The following ZNHIT6 variants were observed in gnomAD, a reference collection of about 807,000 sequenced individuals.
ZNHIT6 encodes box C/D snoRNA protein 1.
Under a neutral mutation model 57.2 loss-of-function variants are expected in ZNHIT6, and 45 were observed. The observed-to-expected ratio is 0.79, with a 90% CI of 0.62 to 1.01. The LOEUF (loss-of-function observed/expected upper bound fraction) is 1.01, where lower values mean the gene tolerates loss of function less well. ZNHIT6 is among the 50% of genes least tolerant of loss of function. The pLI is 0.00. For synonymous variants in ZNHIT6, 188 were observed against 190.0 expected, an observed-to-expected ratio of 0.99 and a Z score of 0.09; for missense variants, 528 against 567.3, an observed-to-expected ratio of 0.93 and a Z score of 0.70.
intron 8 of ZNHIT6, among the ~76,000 whole-genome samples, chr1:85,665,494 C>A (rs1367196296): frequency 2.0e-5 from 3 of 152,036 alleles, no homozygotes; most frequent in Non-Finnish European, 2.9e-5. Flanking sequence ...TTAACATATC[C>A]ATCACCTTAC....
chr1:85,657,749 A>G (rs1326097951), intron 9 of ZNHIT6, 98 bp downstream of exon 9: 2 of 1,206,408 alleles, frequency 1.7e-6, no homozygotes. Context: ...GTGTGTAAAT[A>G]TAGTGGGAAA....
chr1:85,695,020 T>G (rs982064219), intron 5 of ZNHIT6, among the ~76,000 whole-genome samples: 5 of 152,014 alleles, frequency 3.3e-5, no homozygotes, highest in Non-Finnish European at 2.9e-5. Context: ...TCCCAGCACT[T>G]TGGGAGGCTG....
At position 85,707,874 on chromosome 1, in the gene ZNHIT6, T is replaced by G; in HGVS notation, c.411A>C (p.Val137=). 1 of 1,614,134 alleles carries G rather than the reference T, an allele frequency of 6.2e-7. No homozygotes were observed. ...CCTCTTCCTTTACCTTCTCTTCCTT[T>G]ACCTCTGGTTCACCCACCTTCGCTT... ...VKEAKVGEPE[V]KEEKVKEEVM... Residue 137 remains valine, a synonymous_variant, in exon 1 of 10, where the codon GTA becomes GTC. Coordinates refer to ENST00000370574, the MANE Select transcript of ZNHIT6 (RefSeq NM_017953.4).
Position 85,707,715 on chromosome 1 carries a change from C to T in ZNHIT6, c.570G>A (p.Lys190=), listed in dbSNP as rs760819429. The T allele has an allele frequency of 4.3e-6, 7 of 1,611,384 alleles. No homozygotes were observed. In the African/African-American group the frequency reaches 9.4e-5, roughly 22 times the overall value. Residue 190 remains lysine (K), a synonymous_variant, in exon 1 of 10, where the codon AAG becomes AAA. Transcript: ENST00000370574. ...CCTTTGTATCATCCACGATTTCTTT[C>T]TTCAGGAAATCCTTCTCTTCTTTTA... ...ECVKEEKDFL[K]KEIVDDTKVK... is the part of the protein sequence containing the mutation.
chr1:85,671,052 A>G (rs756825872), intron 8 of ZNHIT6, among the ~76,000 whole-genome samples: 17 of 152,232 alleles, frequency 1.1e-4, no homozygotes, highest in Non-Finnish European at 2.1e-4. Flanking sequence ...TGTGTAAATG[A>G]AGATAGCTGG....
intron 5 of ZNHIT6, among the ~76,000 whole-genome samples, chr1:85,698,855 G>C (rs1019640717): frequency 6.6e-6 from 1 of 152,102 alleles, no homozygotes; most frequent in African/African-American, 2.4e-5. Context: ...CCTATGAGGG[G>C]TGAATGGAAT....
At chr1:85,692,979 G>A (rs952848453) in intron 5 of ZNHIT6, among the ~76,000 whole-genome samples, 7 of 152,062 alleles carry the variant, frequency 4.6e-5, no homozygotes, top group African/African-American at 1.2e-4. Flanking sequence ...AGTAATAGGC[G>A]CACCTCTATT....
chr1:85,662,872 T>TATCC (rs1244540347), intron 8 of ZNHIT6, among the ~76,000 whole-genome samples: 5 of 152,184 alleles, frequency 3.3e-5, no homozygotes, highest in Non-Finnish European at 7.3e-5. Context: ...ACCATGATAT[T>TATCC]TAAACTATGG....
chr1:85,687,288 C>CAAAAAAAAAAAAAAAA (rs1358501791), intron 5 of ZNHIT6, among the ~76,000 whole-genome samples: 1 of 75,242 alleles, frequency 1.3e-5, no homozygotes, highest in Non-Finnish European at 2.3e-5. Context: ...TCTCAAAAAA[C>CAAAAAAAAAAAAAAAA]AAAAAAAAAA....
chr1:85,683,466 T>C, intron 5 of ZNHIT6, among the ~76,000 whole-genome samples: 1 of 150,506 alleles, frequency 6.6e-6, no homozygotes, highest in East Asian at 2.0e-4. Context: ...GAGCTTGCAG[T>C]GAGCTGAGAT....
At chr1:85,657,574 A>T (rs1661094537) in intron 9 of ZNHIT6, among the ~76,000 whole-genome samples, 1 of 152,122 alleles carries the variant, frequency 6.6e-6, no homozygotes, top group Non-Finnish European at 1.5e-5. Context: ...AGACAAAAAA[A>T]TACATAGAAC....
At chr1:85,667,961 A>AAAAT in intron 8 of ZNHIT6, among the ~76,000 whole-genome samples, 1 of 18,200 alleles carries the variant, frequency 5.5e-5, no homozygotes, top group South Asian at 2.4e-3. Flanking sequence ...AAAAAAAAAA[A>AAAAT]ATATATATAT....
chr1:85,699,147 C>T (rs1463918477), intron 5 of ZNHIT6, among the ~76,000 whole-genome samples: 1 of 152,066 alleles, frequency 6.6e-6, no homozygotes, highest in African/African-American at 2.4e-5. Flanking sequence ...TCTTAGAATA[C>T]TGGGGGCATG....
intron 5 of ZNHIT6, among the ~76,000 whole-genome samples, chr1:85,689,073 A>C (rs907725257): frequency 6.6e-6 from 1 of 152,246 alleles, no homozygotes; most frequent in African/African-American, 2.4e-5. Flanking sequence ...GCAATAGAAA[A>C]AGAAGAGACA....
chr1:85,688,118 T>C (rs901923888), intron 5 of ZNHIT6, among the ~76,000 whole-genome samples: 6 of 152,100 alleles, frequency 3.9e-5, no homozygotes, highest in African/African-American at 1.2e-4. Context: ...GCACAGCAAG[T>C]AGCAATAGTA....
intron 8 of ZNHIT6, among the ~76,000 whole-genome samples, chr1:85,666,561 G>C (rs1310630587): frequency 1.3e-5 from 2 of 152,034 alleles, no homozygotes; most frequent in Non-Finnish European, 2.9e-5. Context: ...ACCTTCTCAG[G>C]TTGAAAGCTA....
chr1:85,691,013 G>A (rs187901948), intron 5 of ZNHIT6, among the ~76,000 whole-genome samples: 354 of 152,188 alleles, frequency 2.3e-3, no homozygotes, highest in African/African-American at 6.9e-3. Context: ...GTGACAGACC[G>A]AGACTCCATC....
chr1:85,678,907 T>A, intron 6 of ZNHIT6, 126 bp from the exon 7 acceptor site: 2 of 510,916 alleles, frequency 3.9e-6, no homozygotes, highest in Non-Finnish European at 3.4e-6. Flanking sequence ...ACCTTTTATA[T>A]TACTCTTGGC....
chr1:85,667,680 C>A (rs1433679835), intron 8 of ZNHIT6, among the ~76,000 whole-genome samples: 3 of 149,946 alleles, frequency 2.0e-5, no homozygotes, highest in African/African-American at 7.4e-5. Flanking sequence ...CACCTGTAAT[C>A]CCAGCACTTT....
Sources: allele counts gnomAD v4.1 joint callset (sites outside exome capture counted in the v4.1 genomes callset), GRCh38; gene constraint gnomAD v4.1.1; transcripts MANE v1.5; gene names NCBI Gene and HGNC (gene_info 2026-07-23, HGNC 2026-07-21).